The following GPAM variants were observed in gnomAD, a reference collection of about 807,000 sequenced individuals.
GPAM encodes glycerol-3-phosphate acyltransferase 1, mitochondrial.
GPAM carries 56 observed loss-of-function variants against 105.0 expected under a neutral mutation model. The observed-to-expected ratio is 0.53, with a 90% CI of 0.43 to 0.67. The LOEUF (loss-of-function observed/expected upper bound fraction) is 0.67. Among genes scored for constraint, GPAM ranks in the 30% least tolerant of loss-of-function variants. The pLI is 0.00. For missense variants in GPAM, 855 were observed against 989.8 expected (o/e 0.86, Z 1.83); for synonymous variants, 368 against 354.4 (o/e 1.04, Z -0.43).
At chr10:112,218,876 C>T (rs941813898), upstream of GPAM, among the ~76,000 whole-genome samples, 2 of 152,180 alleles carry the variant, frequency 1.3e-5, no homozygotes, top group Non-Finnish European at 2.9e-5. Flanking sequence ...ATAATTAATA[C>T]ATAATGAGCA....
chr10:112,168,421 G>A lies in GPAM; in HGVS notation c.998C>T (p.Ser333Leu). The change falls in exon 11 of 22, where the codon TCA becomes TTA. Residue 333 changes from serine to leucine, a missense_variant. Transcript: ENST00000348367. Reference sequence around the variant, plus strand: ...GGTAGACAGAGTATCTACCACAACTGACAAAAGTCCTGCCCGAGCACAAGA... The same window carrying A: ...GGTAGACAGAGTATCTACCACAACTAACAAAAGTCCTGCCCGAGCACAAGA... ...KTSCARAGLL[S>L]VVVDTLSTNV... 1 of 1,609,606 alleles carries A rather than the reference G, an allele frequency of 6.2e-7. No individual in the cohort carries two copies. Among genetic ancestry groups the A allele is most frequent in the Non-Finnish European group, 8.5e-7 (1 of 1,175,934 alleles).
chr10:112,173,049 A>G lies in GPAM; in HGVS notation c.578T>C (p.Leu193Pro). 6.2e-7 allele frequency: 1 copy of G among 1,600,720 alleles called. No individual in the cohort carries two copies. The highest frequency in any genetic ancestry group is 8.6e-7 in the Non-Finnish European group (1 of 1,167,884). The stretch of plus-strand genomic sequence containing the variant: ...AAAGAAGCTGTTGAACAGTTTTAGC[A>G]GCACCCACCCAGTCAGTCTGAAACA... ...PAMIRLTGWV[L>P]LKLFNSFFWN... The change falls in exon 8 of 22, where the codon CTG becomes CCG. Residue 193 changes from leucine (L) to proline (P), a missense_variant. Physicochemically the swap from Leu to Pro is moderately conservative, Grantham distance 98. Transcript: ENST00000348367.
In GPAM at chr10:112,173,774, G is replaced by A; in HGVS notation, c.485C>T (p.Ala162Val). Residue 162 changes from alanine to valine, a missense_variant, in exon 7 of 22, where the codon GCC (alanine) becomes GTC (valine). By Grantham distance (64) the Ala-to-Val change is moderately conservative. Transcript: ENST00000348367. Reference protein sequence around the residue: ...PDGSAQQQSKAVNKVKKKAKR... With the variant: ...PDGSAQQQSKVVNKVKKKAKR... ...AGCTTTCTTTTTCACTTTGTTAACG[G>A]CTTTTGATTGCTGCTGGGCAGAACC... 6.8e-6 allele frequency: 11 copies of A among 1,613,226 alleles called. No individual in the cohort carries two copies. Among genetic ancestry groups the A allele is most frequent in the Non-Finnish European group, 9.3e-6 (11 of 1,179,244 alleles).
intron 1 of GPAM, among the ~76,000 whole-genome samples, chr10:112,200,771 A>AC (rs1481987507): frequency 2.0e-5 from 3 of 152,344 alleles, no homozygotes; most frequent in Non-Finnish European, 4.4e-5. Context: ...TAAATGAGCC[A>AC]CAAGTATGCA....
chr10:112,152,591 G>A lies in GPAM; in HGVS notation c.*959C>T, dbSNP rs1048099516. On this transcript the variant is annotated 3_prime_UTR_variant, in exon 22 of 22. Transcript: ENST00000348367. The stretch of plus-strand genomic sequence containing the variant: ...AGTACAGAAAGCCCTCATCAGCTGT[G>A]GCCAGAGAACTGTATTCTAACAGTC... 1.0e-6 allele frequency: 1 copy of A among 985,382 alleles called. No individual in the cohort carries two copies. Among genetic ancestry groups the A allele is most frequent in the South Asian group, 4.7e-5 (1 of 21,278 alleles). 61.0% of individuals were successfully genotyped at this position (985,382 alleles called of 1,614,324 possible).
At chr10:112,188,610 T>G (rs900743654), upstream of GPAM, among the ~76,000 whole-genome samples, 1 of 152,222 alleles carries the variant, frequency 6.6e-6, no homozygotes, top group African/African-American at 2.4e-5. Context: ...AAGCCAATTA[T>G]GAAAATGGCA....
chr10:112,164,668 T>C lies in GPAM; in HGVS notation c.1222-58A>G, dbSNP rs573335653. The C allele has an allele frequency of 5.5e-6, 5 of 906,076 alleles. No individual in the cohort carries two copies. The South Asian group carries it at 6.6e-5, about 12-fold the overall frequency. 56.1% of individuals were successfully genotyped at this position (906,076 alleles called of 1,614,324 possible). A position where few individuals can be genotyped will look rare whatever the true frequency, so the allele number is the denominator to read the frequency against. On this transcript the variant is annotated intron_variant, in intron 12 of 21. Transcript: ENST00000348367. The stretch of plus-strand genomic sequence containing the variant: ...CTCACTTTCGCACCAACATATAAAA[T>C]GTAATTTCATCTTCCAAAGGTTAAA...
chr10:112,152,207 G>A lies in GPAM; in HGVS notation c.*1343C>T. The A allele has an allele frequency of 1.0e-6, 1 of 975,362 alleles. No homozygotes were observed. Among genetic ancestry groups the A allele is most frequent in the Non-Finnish European group, 1.2e-6 (1 of 820,930 alleles). 60.4% of individuals were successfully genotyped at this position (975,362 alleles called of 1,614,324 possible). On this transcript the variant is annotated 3_prime_UTR_variant, in exon 22 of 22. Transcript: ENST00000348367. ...AAAATTCTTAATTCCATAATATCTT[G>A]GAGATAAGCAACAGTAAACTGTTAG...
At chr10:112,202,250 G>C (rs56084452) in intron 1 of GPAM, among the ~76,000 whole-genome samples, 1 of 152,178 alleles carries the variant, frequency 6.6e-6, no homozygotes, top group Non-Finnish European at 1.5e-5. Flanking sequence ...TAAGAAAATC[G>C]ATGTGCTGTG....
intron 19 of GPAM, 44 bp from the exon 20 acceptor site, chr10:112,156,097 A>G (rs1234909133): frequency 7.3e-7 from 1 of 1,379,160 alleles, no homozygotes; most frequent in Non-Finnish European, 1.0e-6. Context: ...GGAAGGGACA[A>G]GAGACACAAG....
At position 112,152,604 on chromosome 10, in the gene GPAM, T is replaced by C; in HGVS notation, c.*946A>G. On this transcript the variant is annotated 3_prime_UTR_variant, in exon 22 of 22. Coordinates refer to ENST00000348367, the MANE Select transcript of GPAM (RefSeq NM_001244949.2). The stretch of plus-strand genomic sequence containing the variant: ...CTCATCAGCTGTGGCCAGAGAACTG[T>C]ATTCTAACAGTCTGTCAGCTCAAGC... 1.0e-6 allele frequency: 1 copy of C among 985,416 alleles called. No individual in the cohort carries two copies. The highest frequency in any genetic ancestry group is 1.2e-6 in the Non-Finnish European group (1 of 829,902). The allele number at this position is 985,416 out of a possible 1,614,324, so 61.0% of individuals were successfully genotyped here.
In GPAM at chr10:112,163,479, T is replaced by C. The variant is rs150494344; in HGVS notation, c.1423+222A>G. 3.0e-3 allele frequency among the ~76,000 whole-genome samples: 454 copies of C among 152,344 alleles called. 2 individuals carry two copies. Among genetic ancestry groups the C allele is most frequent in the African/African-American group, 9.5e-3 (395 of 41,592 alleles). On this transcript the variant is annotated intron_variant, in intron 14 of 21. Coordinates refer to ENST00000348367, the MANE Select transcript of GPAM (RefSeq NM_001244949.2). Reference sequence around the variant, plus strand: ...AACTATTTTTAAAAAGTACAACAACTACCACATGAACACCTACTAATTACC... The same window carrying C: ...AACTATTTTTAAAAAGTACAACAACCACCACATGAACACCTACTAATTACC...
At chr10:112,201,652 T>G (rs371041615) in intron 1 of GPAM, among the ~76,000 whole-genome samples, 7 of 152,234 alleles carry the variant, frequency 4.6e-5, no homozygotes, top group African/African-American at 1.7e-4. Flanking sequence ...CTAGCAACTT[T>G]CTGTCCCTTG....
intron 1 of GPAM, among the ~76,000 whole-genome samples, chr10:112,203,506 T>G (rs1012506254): frequency 6.6e-6 from 1 of 152,238 alleles, no homozygotes; most frequent in African/African-American, 2.4e-5. Flanking sequence ...GCTTTCCCAC[T>G]CTGCCCCTTT....
intron 14 of GPAM, among the ~76,000 whole-genome samples, chr10:112,163,120 T>C (rs996936395): frequency 2.0e-5 from 3 of 152,192 alleles, no homozygotes; most frequent in African/African-American, 7.2e-5. Flanking sequence ...CAGTACACAA[T>C]TGTACAGCTT....
intron 10 of GPAM, 44 bp from the exon 11 acceptor site, chr10:112,168,568 A>G: frequency 8.0e-7 from 1 of 1,257,532 alleles, no homozygotes; most frequent in East Asian, 2.3e-5. Context: ...AAGACCACTC[A>G]ACTTAGAATG....
At chr10:112,176,489 A>C (rs1847407377) in intron 5 of GPAM, among the ~76,000 whole-genome samples, 2 of 152,324 alleles carry the variant, frequency 1.3e-5, no homozygotes, top group Admixed American at 1.3e-4. Context: ...AACTCTGAAA[A>C]GACCCAGAAT....
intron 14 of GPAM, among the ~76,000 whole-genome samples, chr10:112,162,377 G>A (rs1208045673): frequency 6.6e-6 from 1 of 152,150 alleles, no homozygotes; most frequent in Non-Finnish European, 1.5e-5. Flanking sequence ...ACAGTAATGG[G>A]TGCTCAGCAT....
intron 4 of GPAM, 46 bp from the exon 5 acceptor site, chr10:112,178,103 G>C (rs374317907): frequency 2.9e-5 from 27 of 921,450 alleles, no homozygotes; most frequent in Middle Eastern, 2.3e-4. Flanking sequence ...CAACTAGATT[G>C]ACGGTGAAGA....
Sources: gnomAD v4.1 joint callset for allele counts (sites outside exome capture counted in the v4.1 genomes callset) on GRCh38, gnomAD v4.1.1 for gene constraint, MANE v1.5 for transcripts, NCBI Gene and HGNC (gene_info 2026-07-23, HGNC 2026-07-21) for gene names.